Variants in NCOA7 observed in about 807,000 individuals in gnomAD.
The protein encoded by NCOA7 is nuclear receptor coactivator 7.
Under a neutral mutation model 104.3 loss-of-function variants are expected in NCOA7, and 45 were observed. The observed-to-expected ratio is 0.43, with a 90% CI of 0.34 to 0.55. The LOEUF is 0.55. NCOA7 is among the 20% of genes least tolerant of loss of function. The pLI is 0.02. For synonymous variants in NCOA7, 398 were observed against 402.3 expected (o/e 0.99, Z 0.13); for missense variants, 1,041 against 1,119.7 (o/e 0.93, Z 1.00).
intron 2 of NCOA7, among the ~76,000 whole-genome samples, chr6:125,817,537 A>G (rs1325456881): frequency 1.3e-5 from 2 of 152,182 alleles, no homozygotes; most frequent in African/African-American, 4.8e-5. Flanking sequence ...TAACATTTTC[A>G]TGTGCTTATT....
At chr6:125,895,896 C>T (rs1036966510) in intron 10 of NCOA7, among the ~76,000 whole-genome samples, 23 of 151,586 alleles carry the variant, frequency 1.5e-4, no homozygotes, top group Non-Finnish European at 1.6e-4. Context: ...GATTACATTT[C>T]GACATGAGAT....
chr6:125,881,212 A>G lies in NCOA7; in HGVS notation c.573+9A>G, dbSNP rs745595250. 1 of 1,557,656 alleles carries G rather than the reference A, an allele frequency of 6.4e-7. No individual in the cohort carries two copies. The highest frequency in any genetic ancestry group is 1.7e-5 in the Admixed American group (1 of 59,946). On this transcript the variant is annotated intron_variant, in intron 6 of 15. Coordinates refer to ENST00000392477, the MANE Select transcript of NCOA7 (RefSeq NM_181782.5). ...AATATGATAAATTGCCTGTATGTAT[A>G]TTATGCACTGAAGTTCATTTTTATT...
In NCOA7 at chr6:125,803,322, A is replaced by G. The variant is rs1354724431; in HGVS notation, c.-64-11969A>G. Among the ~76,000 whole-genome samples, 4 of 152,008 alleles carry G rather than the reference A, an allele frequency of 2.6e-5. No homozygotes were observed. In the East Asian group the frequency reaches 5.8e-4, roughly 22 times the overall value. Reference sequence around the variant, plus strand: ...AACTTTTTCATGCCCCTGTTTCCTGATTATTTTATGTAAATCTTATCTCCC... The same window carrying G: ...AACTTTTTCATGCCCCTGTTTCCTGGTTATTTTATGTAAATCTTATCTCCC... On this transcript the variant is annotated intron_variant, in intron 1 of 15. Coordinates refer to ENST00000392477, the MANE Select transcript of NCOA7 (RefSeq NM_181782.5).
At chr6:125,850,475 A>G (rs1781020618) in intron 2 of NCOA7, among the ~76,000 whole-genome samples, 2 of 152,152 alleles carry the variant, frequency 1.3e-5, no homozygotes, top group East Asian at 3.9e-4. Flanking sequence ...AAAGGGAGAA[A>G]AAGAATAAAA....
chr6:125,847,884 A>G (rs1049321223), intron 2 of NCOA7, among the ~76,000 whole-genome samples: 1 of 152,238 alleles, frequency 6.6e-6, no homozygotes, highest in Non-Finnish European at 1.5e-5. Flanking sequence ...AGAATGGGAG[A>G]AAAATTTTGC....
intron 1 of NCOA7, among the ~76,000 whole-genome samples, chr6:125,791,465 G>A (rs1438499239): frequency 6.6e-6 from 1 of 152,242 alleles, no homozygotes; most frequent in African/African-American, 2.4e-5. Context: ...CATCTTTCTA[G>A]CCAAAACATG....
intron 10 of NCOA7, among the ~76,000 whole-genome samples, chr6:125,912,338 G>C (rs887323241): frequency 2.0e-5 from 3 of 150,690 alleles, no homozygotes; most frequent in African/African-American, 7.4e-5. Flanking sequence ...GTGTTCCCTC[G>C]GAAGTTAGGA....
chr6:125,885,026 G>A, intron 7 of NCOA7, 133 bp from the exon 8 acceptor site: 1 of 852,418 alleles, frequency 1.2e-6, no homozygotes, highest in African/African-American at 1.7e-5. Flanking sequence ...TCACAAAGGG[G>A]ATGTAATTGT....
intron 1 of NCOA7, among the ~76,000 whole-genome samples, chr6:125,796,965 C>A (rs1029259593): frequency 3.9e-5 from 6 of 152,200 alleles, no homozygotes; most frequent in Non-Finnish European, 7.3e-5. Flanking sequence ...ATGTCCAGAT[C>A]AACTTTTTAA....
chr6:125,846,336 G>A (rs948473736), intron 2 of NCOA7, among the ~76,000 whole-genome samples: 4 of 145,830 alleles, frequency 2.7e-5, no homozygotes, highest in Admixed American at 2.1e-4. Flanking sequence ...GGATGGTTTA[G>A]TTTGGATATA....
chr6:125,871,306 G>A (rs957866068), intron 3 of NCOA7, among the ~76,000 whole-genome samples: 2 of 152,138 alleles, frequency 1.3e-5, no homozygotes, highest in African/African-American at 2.4e-5. Context: ...GCACAATGGA[G>A]CAGTCCTTTC....
At chr6:125,787,607 A>G (rs1409104908), upstream of NCOA7, among the ~76,000 whole-genome samples, 2 of 152,234 alleles carry the variant, frequency 1.3e-5, no homozygotes, top group Non-Finnish European at 2.9e-5. Flanking sequence ...TTAAATGACA[A>G]ATCCACCTAA....
chr6:125,926,156 C>T (rs1052486155), intron 13 of NCOA7, among the ~76,000 whole-genome samples: 45 of 152,020 alleles, frequency 3.0e-4, no homozygotes, highest in African/African-American at 1.0e-3. Context: ...ACTAAAAGTA[C>T]AAAAATTAGC....
chr6:125,825,350 T>A (rs7762090), intron 2 of NCOA7, among the ~76,000 whole-genome samples: 1 of 152,128 alleles, frequency 6.6e-6, no homozygotes, highest in Non-Finnish European at 1.5e-5. Flanking sequence ...ACAATTTTTT[T>A]AAAAAACCAA....
In NCOA7 at chr6:125,846,600, T is replaced by C. The variant is rs148823636; in HGVS notation, c.51-8420T>C. On this transcript the variant is annotated intron_variant, in intron 2 of 15. Coordinates refer to ENST00000392477, the MANE Select transcript of NCOA7 (RefSeq NM_181782.5). ...AGTCTTTCTGTGAGTGCACAATCCATTGAAGCCCACTAAATTTTCAGGCCC... is the reference window on the plus strand; with the variant it reads ...AGTCTTTCTGTGAGTGCACAATCCACTGAAGCCCACTAAATTTTCAGGCCC... 1.5e-3 allele frequency among the ~76,000 whole-genome samples: 234 copies of C among 152,308 alleles called. 2 individuals carry two copies. The highest frequency in any genetic ancestry group is 0.012 in the East Asian group (60 of 5,184).
intron 1 of NCOA7, chr6:125,810,348 G>A (rs1001210764): frequency 2.0e-5 from 3 of 152,184 alleles, no homozygotes; most frequent in African/African-American, 4.8e-5. Context: ...CTCTTTTGAG[G>A]TAAGGATTTT....
chr6:125,785,204 G>C (rs1352166802), intron 1 of NCOA7, among the ~76,000 whole-genome samples: 1 of 152,142 alleles, frequency 6.6e-6, no homozygotes, highest in Non-Finnish European at 1.5e-5. Context: ...CGGGTGTGGT[G>C]GTGGGCGCCT....
At chr6:125,847,962 A>T (rs561743964) in intron 2 of NCOA7, among the ~76,000 whole-genome samples, 74 of 152,112 alleles carry the variant, frequency 4.9e-4, no homozygotes, top group African/African-American at 1.7e-3. Flanking sequence ...TTACAAGAAA[A>T]AAACAACCCC....
At chr6:125,786,573 C>CTTT (rs148199881), upstream of NCOA7, among the ~76,000 whole-genome samples, 4 of 121,082 alleles carry the variant, frequency 3.3e-5, no homozygotes, top group African/African-American at 6.2e-5. Context: ...TAATCATTGT[C>CTTT]TTTTTTTTTT....
Sources: gnomAD v4.1 joint callset for allele counts (sites outside exome capture counted in the v4.1 genomes callset) on GRCh38, gnomAD v4.1.1 for gene constraint, MANE v1.5 for transcripts, NCBI Gene and HGNC (gene_info 2026-07-23, HGNC 2026-07-21) for gene names.